The following FBRSL1 variants were observed in gnomAD, a reference collection of about 807,000 sequenced individuals.
FBRSL1 encodes fibrosin like 1.
A neutral mutation model predicts 89.6 loss-of-function variants in FBRSL1; 51 were observed. That is an observed-to-expected ratio of 0.57 (90% CI 0.45 to 0.72). FBRSL1 has a LOEUF of 0.72. Among genes scored for constraint, FBRSL1 ranks in the 30% least tolerant of loss-of-function variants. The probability of loss-of-function intolerance (pLI) is 0.00; values close to 1 mark genes in which losing one functional copy is unlikely to be tolerated. For missense variants in FBRSL1, 1,618 were observed against 1,451.8 expected, an observed-to-expected ratio of 1.11 and a Z score of -1.86; for synonymous variants, 779 against 681.1, an observed-to-expected ratio of 1.14 and a Z score of -2.24.
chr12:132,493,721 C>T (rs1207131089), intron 1 of FBRSL1, among the ~76,000 whole-genome samples: 1 of 152,164 alleles, frequency 6.6e-6, no homozygotes, highest in Non-Finnish European at 1.5e-5. Flanking sequence ...CTTTGTGTAC[C>T]CTGGGTGGGA....
intron 5 of FBRSL1, among the ~76,000 whole-genome samples, chr12:132,563,999 C>T (rs1369194240): frequency 1.3e-5 from 2 of 152,158 alleles, no homozygotes; most frequent in African/African-American, 4.8e-5. Flanking sequence ...GCACCCCCTG[C>T]ACCCCTCGGC....
chr12:132,562,703 G>A (rs2039236791), intron 5 of FBRSL1, among the ~76,000 whole-genome samples: 1 of 152,106 alleles, frequency 6.6e-6, no homozygotes, highest in Non-Finnish European at 1.5e-5. Context: ...CTTTCCGAGG[G>A]GCCCACCTTC....
At chr12:132,508,989 G>A (rs920865905) in intron 2 of FBRSL1, among the ~76,000 whole-genome samples, 7 of 152,186 alleles carry the variant, frequency 4.6e-5, no homozygotes, top group South Asian at 2.1e-4. Flanking sequence ...GCGGGGGTCC[G>A]CTGGTGTGCG....
intron 5 of FBRSL1, among the ~76,000 whole-genome samples, chr12:132,557,943 G>A (rs1281858791): frequency 6.6e-6 from 1 of 152,174 alleles, no homozygotes; most frequent in African/African-American, 2.4e-5. Flanking sequence ...CCTGGAAGAG[G>A]GGACTGGGGA....
intron 4 of FBRSL1, among the ~76,000 whole-genome samples, chr12:132,529,516 C>T (rs1028070476): frequency 4.6e-5 from 7 of 152,124 alleles, no homozygotes; most frequent in Non-Finnish European, 1.0e-4. Flanking sequence ...CTGTCTAAAG[C>T]CCTGGGCTCA....
intron 9 of FBRSL1, chr12:132,572,074 AC>A (rs146961200): frequency 1.7e-6 from 1 of 573,060 alleles, no homozygotes; most frequent in South Asian, 2.2e-5. Context: ...ATGCAAGGGG[AC>A]CCTTAGAATG....
At chr12:132,503,596 A>G (rs1032903578) in intron 1 of FBRSL1, among the ~76,000 whole-genome samples, 1 of 152,200 alleles carries the variant, frequency 6.6e-6, no homozygotes, top group African/African-American at 2.4e-5. Flanking sequence ...ACACGGGGCC[A>G]TGGGTGGGCC....
At chr12:132,511,198 C>G in intron 2 of FBRSL1, 10 of 985,524 alleles carry the variant, frequency 1.0e-5, no homozygotes, top group Non-Finnish European at 1.2e-5. Flanking sequence ...ACCCCCACCT[C>G]TCAGGACTCT....
intron 5 of FBRSL1, chr12:132,555,020 T>G (rs921168812): frequency 1.3e-5 from 2 of 152,210 alleles, no homozygotes; most frequent in African/African-American, 4.8e-5. Context: ...GACAAGCTTG[T>G]GTGGCCTTTG....
At chr12:132,534,628 G>A (rs2036565588) in intron 4 of FBRSL1, among the ~76,000 whole-genome samples, 1 of 152,248 alleles carries the variant, frequency 6.6e-6, no homozygotes, top group African/African-American at 2.4e-5. Context: ...GCAAGGCTCA[G>A]CCCGGGTGGC....
chr12:132,572,196 G>C, intron 9 of FBRSL1, 92 bp from the exon 10 acceptor site: 2 of 1,230,886 alleles, frequency 1.6e-6, no homozygotes, highest in Non-Finnish European at 2.3e-6. Context: ...ACGCCGTCCT[G>C]TCACTGCCCA....
At chr12:132,504,667 G>A (rs1032766282) in intron 1 of FBRSL1, among the ~76,000 whole-genome samples, 2 of 152,196 alleles carry the variant, frequency 1.3e-5, no homozygotes. Context: ...AGCTGGGACA[G>A]TGGCCTGAGG....
chr12:132,527,752 C>CTGTG (rs1223676477), intron 3 of FBRSL1, among the ~76,000 whole-genome samples: 2 of 141,354 alleles, frequency 1.4e-5, no homozygotes, highest in Non-Finnish European at 3.1e-5. Context: ...GGCTGTGGGG[C>CTGTG]TGTGGGGCAG....
At chr12:132,577,807 C>G (rs912009908) in intron 15 of FBRSL1, among the ~76,000 whole-genome samples, 1 of 152,278 alleles carries the variant, frequency 6.6e-6, no homozygotes, top group Non-Finnish European at 1.5e-5. Context: ...GGGATGGACA[C>G]AGTCTGGGTG....
At chr12:132,509,218 G>T (rs2034044906) in intron 2 of FBRSL1, 1 of 1,251,698 alleles carries the variant, frequency 8.0e-7, no homozygotes. Flanking sequence ...GACCAGAACG[G>T]CCCGGCCCAG....
intron 2 of FBRSL1, among the ~76,000 whole-genome samples, chr12:132,521,389 GC>G (rs2035340803): frequency 1.3e-5 from 2 of 152,220 alleles, no homozygotes; most frequent in African/African-American, 2.4e-5. Context: ...CTGTGGCCCA[GC>G]CCAACTAGGG....
intron 15 of FBRSL1, among the ~76,000 whole-genome samples, chr12:132,577,633 C>T (rs1593589239): frequency 6.6e-6 from 1 of 152,100 alleles, no homozygotes; most frequent in African/African-American, 2.4e-5. Flanking sequence ...CGAGTCACCC[C>T]CTCCCCCGGG....
At chr12:132,509,817 T>C (rs2034123401) in intron 2 of FBRSL1, 6 of 1,231,222 alleles carry the variant, frequency 4.9e-6, no homozygotes, top group Non-Finnish European at 4.0e-6. Flanking sequence ...GCTAGCCCAG[T>C]GCCAGCGGTA....
intron 2 of FBRSL1, among the ~76,000 whole-genome samples, chr12:132,516,214 G>A (rs2034828472): frequency 6.9e-6 from 1 of 145,896 alleles, no homozygotes; most frequent in South Asian, 2.2e-4. Flanking sequence ...TTTTTGAGAT[G>A]GAGTCTTGCT....
Sources: allele counts gnomAD v4.1 joint callset (sites outside exome capture counted in the v4.1 genomes callset), GRCh38; gene constraint gnomAD v4.1.1; transcripts MANE v1.5; gene names NCBI Gene and HGNC (gene_info 2026-07-23, HGNC 2026-07-21).